NRF1: variants seen among roughly 807,000 people sequenced by gnomAD.
NRF1 encodes alpha palindromic-binding protein.
A neutral mutation model predicts 58.5 loss-of-function variants in NRF1; 5 were observed. The observed-to-expected ratio is 0.09, with a 90% CI of 0.04 to 0.18. NRF1 has a LOEUF of 0.18. NRF1 is among the 10% of genes least tolerant of loss of function. NRF1 has a pLI of 1.00. For synonymous variants in NRF1, 224 were observed against 246.7 expected, an observed-to-expected ratio of 0.91 and a Z score of 0.86; for missense variants, 288 against 657.7, an observed-to-expected ratio of 0.44 and a Z score of 6.15.
chr7:129,633,545 A>G (rs1191609810), intron 1 of NRF1: 1 of 152,184 alleles, frequency 6.6e-6, no homozygotes, highest in African/African-American at 2.4e-5. Context: ...ATTTAAGACA[A>G]GTGCCACCAT....
At chr7:129,619,459 C>CAT (rs1554401510) in intron 1 of NRF1, among the ~76,000 whole-genome samples, 13,981 of 60,642 alleles carry the variant, frequency 0.23, 1,662 homozygotes, top group Admixed American at 0.29. Flanking sequence ...TATATATACA[C>CAT]GTGTGTGTGT....
At chr7:129,721,639 G>A (rs554431715) in intron 9 of NRF1, among the ~76,000 whole-genome samples, 7 of 151,790 alleles carry the variant, frequency 4.6e-5, no homozygotes, top group Admixed American at 3.3e-4. Flanking sequence ...CCACCACCAC[G>A]CCCAGCTAAT....
rs145435731 is a variant in NRF1 at position 129,636,209 on chromosome 7, C to A, written c.-6-21137C>A. On this transcript the variant is annotated intron_variant, in intron 1 of 10. Coordinates refer to ENST00000393232, the MANE Select transcript of NRF1 (RefSeq NM_005011.5). ...TGATGATGACACAAGTCTCCATCATCCTGTTTTTGTTCAATGGATTGTGGG... is the reference window on the plus strand; with the variant it reads ...TGATGATGACACAAGTCTCCATCATACTGTTTTTGTTCAATGGATTGTGGG... 1.8e-3 allele frequency among the ~76,000 whole-genome samples: 263 copies of A among 147,266 alleles called. 4 individuals carry two copies. The East Asian group carries it at 0.019, about 11-fold the overall frequency.
At position 129,717,173 on chromosome 7, in the gene NRF1, A is replaced by C. The variant is rs541252387; in HGVS notation, c.1066-46A>C. 19 of 1,539,864 alleles carry C rather than the reference A, an allele frequency of 1.2e-5. No homozygotes were observed. The South Asian group carries it at 2.2e-4, about 18-fold the overall frequency. ...TTAGAAAAATTACTTGTAAAATTGT[A>C]CTTTTGTGGCTTTGTTTTTTTACTA... On this transcript the variant is annotated intron_variant, in intron 8 of 10. Transcript: ENST00000393232.
rs1354539767 is a variant in NRF1, at chr7:129,744,242, T to C, written c.1349-10776T>C. ...GACAAAGCCACAGGTGGGTTCATCT[T>C]TGGGGAAAGAAGGAAGCAGCTGGAG... On this transcript the variant is annotated intron_variant, in intron 10 of 10. Transcript: ENST00000393232. 4.5e-6 allele frequency: 7 copies of C among 1,548,828 alleles called. No homozygotes were observed. In the Admixed American group the frequency reaches 1.2e-4, roughly 26 times the overall value.
chr7:129,619,426 A>ACACACACACAC, intron 1 of NRF1, among the ~76,000 whole-genome samples: 1 of 92,638 alleles, frequency 1.1e-5, no homozygotes, highest in African/African-American at 6.3e-5. Context: ...ATATATATAT[A>ACACACACACAC]TATATATACA....
chr7:129,745,506 A>ACCCCCCCCC (rs35406699), intron 10 of NRF1, among the ~76,000 whole-genome samples: 16 of 112,626 alleles, frequency 1.4e-4, no homozygotes, highest in Middle Eastern at 4.6e-3. Flanking sequence ...ATCCCCCTCA[A>ACCCCCCCCC]CCCCCCCCCC....
chr7:129,676,260 C>A (rs1405326158), intron 3 of NRF1, among the ~76,000 whole-genome samples: 1 of 152,244 alleles, frequency 6.6e-6, no homozygotes, highest in African/African-American at 2.4e-5. Context: ...TAATTTCCCT[C>A]AAGGACTTTT....
chr7:129,740,807 G>T (rs10267039), intron 10 of NRF1, among the ~76,000 whole-genome samples: 25,507 of 152,000 alleles, frequency 0.17, 2,421 homozygotes, highest in African/African-American at 0.27. Flanking sequence ...GGCATTCATC[G>T]TTTATATGCC....
chr7:129,676,975 T>C (rs1019606692), intron 3 of NRF1, among the ~76,000 whole-genome samples: 1 of 150,154 alleles, frequency 6.7e-6, no homozygotes, highest in Non-Finnish European at 1.5e-5. Flanking sequence ...GGAGATGATA[T>C]AATAAATTCT....
chr7:129,707,631 G>A (rs896214127), intron 5 of NRF1, among the ~76,000 whole-genome samples: 1 of 152,188 alleles, frequency 6.6e-6, no homozygotes, highest in Non-Finnish European at 1.5e-5. Flanking sequence ...ATGACCGCAT[G>A]AGCCAGCTGA....
intron 10 of NRF1, chr7:129,744,130 CTTTTTT>C (rs35034726): frequency 2.5e-5 from 30 of 1,211,602 alleles, no homozygotes; most frequent in Middle Eastern, 2.8e-4. Context: ...TTGCCCGGTG[CTTTTTT>C]TTTTTTTTTT....
At chr7:129,645,995 G>A (rs1039456961) in intron 1 of NRF1, among the ~76,000 whole-genome samples, 11 of 152,098 alleles carry the variant, frequency 7.2e-5, no homozygotes, top group African/African-American at 2.2e-4. Flanking sequence ...GACTACAGGC[G>A]TGTACCACCA....
At chr7:129,625,774 C>T (rs1036973445) in intron 1 of NRF1, among the ~76,000 whole-genome samples, 8 of 150,998 alleles carry the variant, frequency 5.3e-5, no homozygotes, top group South Asian at 2.1e-4. Flanking sequence ...CTCTGCCTCC[C>T]GGGTTCACGC....
At chr7:129,619,419 T>TACACAC (rs1393144669) in intron 1 of NRF1, among the ~76,000 whole-genome samples, 2 of 94,918 alleles carry the variant, frequency 2.1e-5, no homozygotes, top group African/African-American at 6.0e-5. Context: ...TATATATATA[T>TACACAC]ATATATATAT....
At chr7:129,743,526 CT>C (rs1803898550) in intron 10 of NRF1, among the ~76,000 whole-genome samples, 1 of 152,188 alleles carries the variant, frequency 6.6e-6, no homozygotes, top group Non-Finnish European at 1.5e-5. Context: ...TACACAGTTG[CT>C]TTGACTCCTG....
At chr7:129,637,784 T>C (rs1708951685) in intron 1 of NRF1, among the ~76,000 whole-genome samples, 1 of 152,152 alleles carries the variant, frequency 6.6e-6, no homozygotes, top group Non-Finnish European at 1.5e-5. Context: ...ACAAGCTGCA[T>C]GCGGCCCAGG....
chr7:129,620,640 C>T (rs1800774922), intron 1 of NRF1, among the ~76,000 whole-genome samples: 1 of 152,176 alleles, frequency 6.6e-6, no homozygotes, highest in Non-Finnish European at 1.5e-5. Flanking sequence ...CCCGCCTTGG[C>T]CTCCCAAAGT....
At chr7:129,716,136 A>C (rs1803183414) in intron 8 of NRF1, among the ~76,000 whole-genome samples, 1 of 152,246 alleles carries the variant, frequency 6.6e-6, no homozygotes, top group South Asian at 2.1e-4. Context: ...AAGATACAAA[A>C]GATATGTAGA....
Sources: allele counts gnomAD v4.1 joint callset (sites outside exome capture counted in the v4.1 genomes callset), GRCh38; gene constraint gnomAD v4.1.1; transcripts MANE v1.5; gene names NCBI Gene and HGNC (gene_info 2026-07-23, HGNC 2026-07-21).